Variants in CHRM4 observed in about 807,000 individuals in gnomAD.
The protein encoded by CHRM4 is cholinergic receptor muscarinic 4, also known as muscarinic acetylcholine receptor M4.
CHRM4 carries 5 observed loss-of-function variants against 26.3 expected under a neutral mutation model. The ratio of observed to expected loss-of-function variants is 0.19; its 90% CI spans 0.10 to 0.40. The LOEUF is 0.40. CHRM4 is among the 10% of genes least tolerant of loss of function. CHRM4 has a pLI of 1.00. For synonymous variants in CHRM4, 290 were observed against 285.3 expected (o/e 1.02, Z -0.16); for missense variants, 402 against 664.5 (o/e 0.60, Z 4.34).
Position 46,384,167 on chromosome 11 carries a change from T to C in CHRM4, c.*951A>G, listed in dbSNP as rs1945305147. ...CAGCCAATCAGGAAGGTTCTACCCA[T>C]GGGGGAGAGCAGATGCGAGGGCTGC... On this transcript the variant is annotated 3_prime_UTR_variant, in exon 2 of 2. Coordinates refer to ENST00000682254, the MANE Select transcript of CHRM4 (RefSeq NM_000741.5). Among the ~76,000 whole-genome samples, 1 of 152,198 alleles carries C rather than the reference T, an allele frequency of 6.6e-6. No homozygotes were observed. The highest frequency in any genetic ancestry group is 1.5e-5 in the Non-Finnish European group (1 of 68,028).
In CHRM4 at chr11:46,384,955, A is replaced by T; in HGVS notation, c.*163T>A. 8.7e-7 allele frequency: 1 copy of T among 1,146,598 alleles called. No individual in the cohort carries two copies. The highest frequency in any genetic ancestry group is 1.2e-6 in the Non-Finnish European group (1 of 836,124). 71.0% of individuals were successfully genotyped at this position (1,146,598 alleles called of 1,614,324 possible). A position where few individuals can be genotyped will look rare whatever the true frequency, so the allele number is the denominator to read the frequency against. ...GGGTGAGCCTCCTCAGCCTGAGCAGAGATCTGGTCTCTGAATGCAGCCACA... is the reference window on the plus strand; with the variant it reads ...GGGTGAGCCTCCTCAGCCTGAGCAGTGATCTGGTCTCTGAATGCAGCCACA... On this transcript the variant is annotated 3_prime_UTR_variant, in exon 2 of 2. Transcript: ENST00000682254.
Position 46,383,978 on chromosome 11 carries a change from T to C in CHRM4, c.*1140A>G, listed in dbSNP as rs566205444. 4.4e-6 allele frequency: 1 copy of C among 225,982 alleles called. No homozygotes were observed. The highest frequency in any genetic ancestry group is 2.3e-5 in the African/African-American group (1 of 43,118). 14.0% of individuals were successfully genotyped at this position (225,982 alleles called of 1,614,324 possible). ...GGAAAAAGCAGAACAATTACAAACATTTCTTCCAGGGCCCCTGAAAGGGTG... is the reference window on the plus strand; with the variant it reads ...GGAAAAAGCAGAACAATTACAAACACTTCTTCCAGGGCCCCTGAAAGGGTG... On this transcript the variant is annotated 3_prime_UTR_variant, in exon 2 of 2. Transcript: ENST00000682254.
At chr11:46,389,295 T>C (rs1945371208) in intron 1 of CHRM4, among the ~76,000 whole-genome samples, 1 of 152,198 alleles carries the variant, frequency 6.6e-6, no homozygotes, top group South Asian at 2.1e-4. Flanking sequence ...AAGCGATGTC[T>C]TGTCTTCTCC....
chr11:46,387,508 G>A (rs1038340721), intron 1 of CHRM4, among the ~76,000 whole-genome samples: 7 of 152,188 alleles, frequency 4.6e-5, no homozygotes, highest in African/African-American at 1.7e-4. Context: ...ACTTACAGAT[G>A]GGGAAACTGA....
In CHRM4 at chr11:46,391,265, G is replaced by C. The variant is rs116059197; in HGVS notation, c.-30+266C>G. 0.064 allele frequency among the ~76,000 whole-genome samples: 9,781 copies of C among 151,976 alleles called. 1,029 individuals carry two copies. The highest frequency in any genetic ancestry group is 0.22 in the African/African-American group (9,246 of 41,414). On this transcript the variant is annotated intron_variant, in intron 1 of 1. Coordinates refer to ENST00000682254, the MANE Select transcript of CHRM4 (RefSeq NM_000741.5). This position sits in a 1 kb window ranked among gnomAD's most constrained non-coding sequence, Gnocchi z 6.3. ...TTGGGGCTTCAGCGCCCGGCGCCCT[G>C]CTGAGCCGCCAGTGGGAGGGCTGGA...
At chr11:46,388,159 C>T (rs1945360087) in intron 1 of CHRM4, among the ~76,000 whole-genome samples, 1 of 152,196 alleles carries the variant, frequency 6.6e-6, no homozygotes, top group African/African-American at 2.4e-5. Flanking sequence ...CACAGACGCA[C>T]GCGGGCCCAT....
chr11:46,386,048 G>A lies in CHRM4; in HGVS notation c.510C>T (p.Phe170=), dbSNP rs575351899. The A allele has an allele frequency of 1.2e-5, 19 of 1,613,288 alleles. No individual in the cohort carries two copies. In the African/African-American group the frequency reaches 2.3e-4, roughly 19 times the overall value. The part of the protein sequence containing the change: ...SFVLWAPAIL[F]WQFVVGKRTV... Reference sequence around the variant, plus strand: ...TCCGCTTACCCACCACAAACTGCCAGAACAAGATGGCAGGCGCCCAGAGCA... The same window carrying A: ...TCCGCTTACCCACCACAAACTGCCAAAACAAGATGGCAGGCGCCCAGAGCA... The change falls in exon 2 of 2, where the codon TTC becomes TTT. Residue 170 remains phenylalanine, a synonymous_variant. Transcript: ENST00000682254. The surrounding 1 kb of genome is among the most constrained non-coding windows in gnomAD (Gnocchi z 5.8).
chr11:46,384,946 C>T lies in CHRM4; in HGVS notation c.*172G>A, dbSNP rs186532285. 15 of 663,684 alleles carry T rather than the reference C, an allele frequency of 2.3e-5. No homozygotes were observed. The East Asian group carries it at 1.2e-3, about 54-fold the overall frequency. 41.1% of individuals were successfully genotyped at this position (663,684 alleles called of 1,614,324 possible). A position where few individuals can be genotyped will look rare whatever the true frequency, so the allele number is the denominator to read the frequency against. The stretch of plus-strand genomic sequence containing the variant: ...CACTCCCTGGGGTGAGCCTCCTCAG[C>T]CTGAGCAGAGATCTGGTCTCTGAAT... On this transcript the variant is annotated 3_prime_UTR_variant, in exon 2 of 2. Coordinates refer to ENST00000682254, the MANE Select transcript of CHRM4 (RefSeq NM_000741.5).
At chr11:46,389,778 T>C (rs1945375243) in intron 1 of CHRM4, among the ~76,000 whole-genome samples, 1 of 152,142 alleles carries the variant, frequency 6.6e-6, no homozygotes, top group Admixed American at 6.5e-5. Context: ...GGTGGGAAAG[T>C]TGAGGGAGCC....
chr11:46,385,492 C>A lies in CHRM4; in HGVS notation c.1066G>T (p.Ala356Ser), dbSNP rs1049106481. Residue 356 changes from alanine to serine, a missense_variant, in exon 2 of 2, where the codon GCC becomes TCC. This residue lies in a region of CHRM4 where 205 missense variants were observed against 244.0 expected (regional missense o/e 0.84). Coordinates refer to ENST00000682254, the MANE Select transcript of CHRM4 (RefSeq NM_000741.5). This position sits in a 1 kb window ranked among gnomAD's most constrained non-coding sequence, Gnocchi z 6.3. ...GGCGTGGCAGGCACAATCTCAATGGCTGTCACACACTCATTGCCTGTCTGC... is the reference window on the plus strand; with the variant it reads ...GGCGTGGCAGGCACAATCTCAATGGATGTCACACACTCATTGCCTGTCTGC... ...TKQTGNECVT[A>S]IEIVPATPAG... 5.0e-6 allele frequency: 8 copies of A among 1,594,972 alleles called. No individual in the cohort carries two copies. Among genetic ancestry groups the A allele is most frequent in the Non-Finnish European group, 6.0e-6 (7 of 1,165,232 alleles).
Position 46,385,841 on chromosome 11 carries a change from G to A in CHRM4, c.717C>T (p.Ala239=), listed in dbSNP as rs780452799. The A allele has an allele frequency of 8.1e-6, 13 of 1,604,466 alleles. No individual in the cohort carries two copies. The South Asian group carries it at 1.3e-4, about 16-fold the overall frequency. The part of the protein sequence containing the change: ...HRPEGPKEKK[A]KTLAFLKSPL... ...GGCTCTTGAGGAAGGCCAGCGTCTT[G>A]GCTTTCTTCTCCTTCGGGCCCTCGG... The change falls in exon 2 of 2, where the codon GCC becomes GCT. Residue 239 remains alanine, a synonymous_variant. Coordinates refer to ENST00000682254, the MANE Select transcript of CHRM4 (RefSeq NM_000741.5). This position sits in a 1 kb window ranked among gnomAD's most constrained non-coding sequence, Gnocchi z 6.3.
At chr11:46,387,704 G>T (rs946155013) in intron 1 of CHRM4, among the ~76,000 whole-genome samples, 7 of 152,226 alleles carry the variant, frequency 4.6e-5, no homozygotes, top group Non-Finnish European at 8.8e-5. Context: ...GGTGCATGGA[G>T]CTGGGCACCC....
chr11:46,387,870 T>TG (rs960448309), intron 1 of CHRM4, among the ~76,000 whole-genome samples: 1 of 152,152 alleles, frequency 6.6e-6, no homozygotes, highest in African/African-American at 2.4e-5. Context: ...GAGGCCCAAC[T>TG]GGGGACCCGT....
At position 46,385,020 on chromosome 11, in the gene CHRM4, A is replaced by C; in HGVS notation, c.*98T>G. ...CTTCCTCCTCAGCAAACGTGAACGC[A>C]GAATGGTGCCTGCAACTCTTCCCCA... On this transcript the variant is annotated 3_prime_UTR_variant, in exon 2 of 2. Coordinates refer to ENST00000682254, the MANE Select transcript of CHRM4 (RefSeq NM_000741.5). The surrounding 1 kb of genome is among the most constrained non-coding windows in gnomAD (Gnocchi z 6.3). 1.4e-6 allele frequency: 2 copies of C among 1,450,138 alleles called. No individual in the cohort carries two copies. Among genetic ancestry groups the C allele is most frequent in the Non-Finnish European group, 1.8e-6 (2 of 1,093,380 alleles). 89.8% of individuals were successfully genotyped at this position (1,450,138 alleles called of 1,614,324 possible).
intron 1 of CHRM4, among the ~76,000 whole-genome samples, chr11:46,387,967 C>A (rs764936270): frequency 6.6e-6 from 1 of 152,226 alleles, no homozygotes; most frequent in Non-Finnish European, 1.5e-5. Flanking sequence ...CCGGGCGGCG[C>A]CCTAGCTGGA....
Position 46,391,694 on chromosome 11 carries a change from G to T in CHRM4, c.-193C>A, listed in dbSNP as rs918806363. ...GCGCGGCCCCGCGGGCCGGCGGGGCGGGCGGCCGGGCCGAGGGCCGGGGGC... is the reference window on the plus strand; with the variant it reads ...GCGCGGCCCCGCGGGCCGGCGGGGCTGGCGGCCGGGCCGAGGGCCGGGGGC... On this transcript the variant is annotated 5_prime_UTR_variant, in exon 1 of 2. Transcript: ENST00000682254. This position sits in a 1 kb window ranked among gnomAD's most constrained non-coding sequence, Gnocchi z 6.3. 4.0e-5 allele frequency among the ~76,000 whole-genome samples: 6 copies of T among 148,640 alleles called. No individual in the cohort carries two copies. Among genetic ancestry groups the T allele is most frequent in the African/African-American group, 1.5e-4 (6 of 40,962 alleles).
intron 1 of CHRM4, among the ~76,000 whole-genome samples, chr11:46,388,666 G>A (rs1372680947): frequency 1.3e-5 from 2 of 152,192 alleles, no homozygotes; most frequent in Non-Finnish European, 2.9e-5. Context: ...TGGGGTCCCT[G>A]ACAACCCCAT....
At chr11:46,388,953 G>A (rs1945368067) in intron 1 of CHRM4, among the ~76,000 whole-genome samples, 1 of 152,252 alleles carries the variant, frequency 6.6e-6, no homozygotes, top group South Asian at 2.1e-4. Context: ...ACCCCTCTGA[G>A]CTTTTAATAT....
chr11:46,387,757 C>A (rs901872853), intron 1 of CHRM4, among the ~76,000 whole-genome samples: 3 of 152,294 alleles, frequency 2.0e-5, no homozygotes, highest in East Asian at 1.9e-4. Flanking sequence ...TCAGGAGGTA[C>A]CTGCAACTGT....
Sources: gnomAD v4.1 joint callset for allele counts (sites outside exome capture counted in the v4.1 genomes callset) on GRCh38, gnomAD v4.1.1 for gene constraint, gnomAD v4.1.1 regional missense constraint, Gnocchi (gnomAD v3.1) non-coding constraint, MANE v1.5 for transcripts, NCBI Gene and HGNC (gene_info 2026-07-23, HGNC 2026-07-21) for gene names.